CDH20: variants seen among roughly 807,000 people sequenced by gnomAD.
CDH20 encodes cadherin-20.
Under a neutral mutation model 74.2 loss-of-function variants are expected in CDH20, and 29 were observed. The observed-to-expected ratio is 0.39, with a 90% CI of 0.29 to 0.53. The LOEUF (loss-of-function observed/expected upper bound fraction) is 0.53, where lower values mean the gene tolerates loss of function less well. CDH20 is among the 20% of genes least tolerant of loss of function. The probability of loss-of-function intolerance (pLI) is 0.69; values close to 1 mark genes in which losing one functional copy is unlikely to be tolerated. For missense variants in CDH20, 988 were observed against 1,048.3 expected (o/e 0.94, Z 0.79); for synonymous variants, 469 against 405.4 (o/e 1.16, Z -1.88).
intron 1 of CDH20, among the ~76,000 whole-genome samples, chr18:61,393,830 T>G (rs1911873496): frequency 6.6e-6 from 1 of 152,168 alleles, no homozygotes. Context: ...TGGGGCTGGA[T>G]GTGTGTTTAT....
intron 6 of CDH20, among the ~76,000 whole-genome samples, chr18:61,517,806 G>A (rs1342171751): frequency 6.6e-6 from 1 of 152,092 alleles, no homozygotes; most frequent in Non-Finnish European, 1.5e-5. Flanking sequence ...TGAATCCAGG[G>A]AGCCAAGTGG....
At chr18:61,527,871 C>T (rs1912486670) in intron 6 of CDH20, 96 bp from the exon 7 acceptor site, 3 of 1,151,208 alleles carry the variant, frequency 2.6e-6, no homozygotes, top group African/African-American at 3.1e-5. Flanking sequence ...GAGAATCTTC[C>T]CACCAGCCAT....
chr18:61,547,923 A>T (rs1451890512), intron 10 of CDH20, among the ~76,000 whole-genome samples: 1 of 152,228 alleles, frequency 6.6e-6, no homozygotes, highest in Non-Finnish European at 1.5e-5. Flanking sequence ...ATCAAGAAAC[A>T]TATATATCGT....
intron 6 of CDH20, among the ~76,000 whole-genome samples, chr18:61,526,967 G>A (rs1912434813): frequency 1.3e-5 from 2 of 152,256 alleles, no homozygotes; most frequent in South Asian, 2.1e-4. Context: ...GATCATCTGA[G>A]ATCACGAGTT....
rs550504349 is a variant in CDH20 at position 61,514,779 on chromosome 18, T to C, written c.1017+7219T>C. On this transcript the variant is annotated intron_variant, in intron 6 of 11. Transcript: ENST00000262717. ...CTGCCGTGTGAGGTGTCAGTGTGCC[T>C]CTGCTGGGGGGTGCCTCCCAGTTAG... is the stretch of plus-strand genomic sequence containing the variant. Among the ~76,000 whole-genome samples the C allele has an allele frequency of 6.7e-4, 99 of 146,672 alleles. 1 individual carries two copies. Among genetic ancestry groups the C allele is most frequent in the Middle Eastern group, 3.5e-3 (1 of 288 alleles).
intron 1 of CDH20, among the ~76,000 whole-genome samples, chr18:61,440,290 T>A: frequency 6.6e-6 from 1 of 152,146 alleles, no homozygotes; most frequent in East Asian, 1.9e-4. Context: ...GACTCTGGTG[T>A]TTCTGCTATC....
intron 1 of CDH20, among the ~76,000 whole-genome samples, chr18:61,472,756 C>T (rs1000354096): frequency 3.3e-5 from 5 of 152,144 alleles, no homozygotes; most frequent in African/African-American, 1.2e-4. Flanking sequence ...GTCACTAGTG[C>T]CCGTTAAAAT....
intron 7 of CDH20, among the ~76,000 whole-genome samples, chr18:61,530,593 T>C (rs778870567): frequency 2.0e-5 from 3 of 152,200 alleles, no homozygotes; most frequent in African/African-American, 2.4e-5. Flanking sequence ...TATAATCTCC[T>C]TTCTAGAAAG....
chr18:61,382,096 C>T (rs1297515430), intron 1 of CDH20, among the ~76,000 whole-genome samples: 1 of 152,156 alleles, frequency 6.6e-6, no homozygotes, highest in East Asian at 1.9e-4. Context: ...CGATGCCTTG[C>T]TGACTTCTAA....
intron 1 of CDH20, among the ~76,000 whole-genome samples, chr18:61,377,143 C>T (rs987868684): frequency 2.6e-5 from 4 of 152,102 alleles, no homozygotes; most frequent in Non-Finnish European, 5.9e-5. Context: ...ATTGCCTTTT[C>T]CTCACCAGAA....
At chr18:61,374,628 A>G (rs896035413) in intron 1 of CDH20, among the ~76,000 whole-genome samples, 17 of 152,130 alleles carry the variant, frequency 1.1e-4, no homozygotes, top group African/African-American at 4.1e-4. Flanking sequence ...CTTATATGAA[A>G]TTTTTATGTT....
At chr18:61,479,101 T>G (rs933661999) in intron 1 of CDH20, among the ~76,000 whole-genome samples, 5 of 152,078 alleles carry the variant, frequency 3.3e-5, no homozygotes, top group African/African-American at 1.2e-4. Flanking sequence ...CTACATCTAT[T>G]TCAAACCTTT....
intron 1 of CDH20, among the ~76,000 whole-genome samples, chr18:61,470,148 G>A (rs1910113216): frequency 6.6e-6 from 1 of 152,098 alleles, no homozygotes; most frequent in Non-Finnish European, 1.5e-5. Context: ...CCCTGCCAAC[G>A]GCTATAAATG....
At chr18:61,479,044 A>G (rs1371446132) in intron 1 of CDH20, among the ~76,000 whole-genome samples, 2 of 151,948 alleles carry the variant, frequency 1.3e-5, no homozygotes, top group African/African-American at 4.8e-5. Context: ...TCTCAGAAAC[A>G]CTTAAAGTGT....
chr18:61,347,341 CACACACACACAT>C (rs1220143014), intron 1 of CDH20, among the ~76,000 whole-genome samples: 3 of 140,972 alleles, frequency 2.1e-5, no homozygotes, highest in African/African-American at 8.5e-5. Context: ...CACACACACA[CACACACACACAT>C]ATATATATAC....
chr18:61,525,500 C>T (rs2144365715), intron 6 of CDH20, among the ~76,000 whole-genome samples: 1 of 152,168 alleles, frequency 6.6e-6, no homozygotes, highest in Middle Eastern at 3.4e-3. Flanking sequence ...TCAAATATAT[C>T]ATTAATCTGA....
In CDH20 at chr18:61,356,507, G is replaced by A. The variant is rs186408881; in HGVS notation, c.-153+22680G>A. On this transcript the variant is annotated intron_variant, in intron 1 of 11. Transcript: ENST00000262717. ...AAGAAAATACTTATTTTCCTCTACC[G>A]CCTAGATATACAAAGGAAAACAATT... 6.4e-4 allele frequency among the ~76,000 whole-genome samples: 97 copies of A among 151,976 alleles called. 1 individual carries two copies. Among genetic ancestry groups the A allele is most frequent in the Admixed American group, 2.8e-3 (43 of 15,264 alleles).
chr18:61,547,778 A>G (rs1400961162), intron 10 of CDH20, among the ~76,000 whole-genome samples: 2 of 151,880 alleles, frequency 1.3e-5, no homozygotes, highest in Non-Finnish European at 2.9e-5. Flanking sequence ...GCTGTTTCCA[A>G]ATAAGTTACT....
chr18:61,445,854 C>A (rs550507609), intron 1 of CDH20, among the ~76,000 whole-genome samples: 1 of 152,260 alleles, frequency 6.6e-6, no homozygotes, highest in African/African-American at 2.4e-5. Context: ...CTGGTCAACC[C>A]AAGATTTGAG....
Sources: allele counts gnomAD v4.1 joint callset (sites outside exome capture counted in the v4.1 genomes callset), GRCh38; gene constraint gnomAD v4.1.1; transcripts MANE v1.5; gene names NCBI Gene and HGNC (gene_info 2026-07-23, HGNC 2026-07-21).